SLC6A15: variants seen among roughly 807,000 people sequenced by gnomAD.
The protein encoded by SLC6A15 is sodium-dependent neutral amino acid transporter B(0)AT2.
In SLC6A15, 33 loss-of-function variants were observed where a neutral mutation model predicts 68.5. The observed-to-expected ratio is 0.48, with a 90% CI of 0.37 to 0.64. SLC6A15 has a LOEUF of 0.64. Ranked by LOEUF, SLC6A15 falls within the 30% of genes least tolerant of loss-of-function variation. SLC6A15 has a pLI of 0.00. For missense variants in SLC6A15, 747 were observed against 874.3 expected, an observed-to-expected ratio of 0.85 and a Z score of 1.84; for synonymous variants, 347 against 301.0, an observed-to-expected ratio of 1.15 and a Z score of -1.58.
Position 84,862,041 on chromosome 12 carries a change from T to C in SLC6A15, c.1819-35A>G, listed in dbSNP as rs772640480. The C allele has an allele frequency of 2.6e-6, 4 of 1,521,020 alleles. No individual in the cohort carries two copies. The African/African-American group carries it at 5.6e-5, about 21-fold the overall frequency. 94.2% of individuals were successfully genotyped at this position (1,521,020 alleles called of 1,614,324 possible). A position where few individuals can be genotyped will look rare whatever the true frequency, so the allele number is the denominator to read the frequency against. ...AAGAAAATAATAATTATTAGTAATC[T>C]ATCTTTCTTTGCACATACATAAAAT... is the stretch of plus-strand genomic sequence containing the variant. On this transcript the variant is annotated intron_variant, in intron 11 of 11. Transcript: ENST00000266682.
chr12:84,890,971 A>G (rs1872362708), intron 2 of SLC6A15, among the ~76,000 whole-genome samples: 1 of 152,188 alleles, frequency 6.6e-6, no homozygotes, highest in Non-Finnish European at 1.5e-5. Flanking sequence ...AATATTTCAT[A>G]TACATAGATA....
At chr12:84,890,850 T>C (rs1217646196) in intron 2 of SLC6A15, among the ~76,000 whole-genome samples, 4 of 152,144 alleles carry the variant, frequency 2.6e-5, no homozygotes, top group Non-Finnish European at 4.4e-5. Context: ...CAAACTAGAA[T>C]CAAATACCAA....
chr12:84,899,732 G>C (rs1016246098), intron 1 of SLC6A15, among the ~76,000 whole-genome samples: 5 of 151,864 alleles, frequency 3.3e-5, no homozygotes, highest in African/African-American at 1.2e-4. Flanking sequence ...AAATATGTTG[G>C]GAACTTTACA....
rs1451837121 is a variant in SLC6A15 at position 84,873,086 on chromosome 12, C to A, written c.1109+1G>T. On this transcript the variant is annotated splice_donor_variant, in intron 7 of 11. Transcript: ENST00000266682. LOFTEE classifies it high-confidence loss of function. Reference sequence around the variant, plus strand: ...AGGCAAATGGAAATTAATATTCATACTGTGTAATGCATTTCTCATTTATGA... The same window carrying A: ...AGGCAAATGGAAATTAATATTCATAATGTGTAATGCATTTCTCATTTATGA... The A allele has an allele frequency of 1.2e-6, 2 of 1,612,698 alleles. No homozygotes were observed. Among genetic ancestry groups the A allele is most frequent in the Non-Finnish European group, 1.7e-6 (2 of 1,179,534 alleles).
rs1277761458 is a variant in SLC6A15 at position 84,884,085 on chromosome 12, G to A, written c.575-45C>T. The A allele has an allele frequency of 2.0e-6, 3 of 1,500,012 alleles. 1 individual carries two copies. In the South Asian group the frequency reaches 3.5e-5, roughly 18 times the overall value. The allele number at this position is 1,500,012 out of a possible 1,614,324, so 92.9% of individuals were successfully genotyped here. A position where few individuals can be genotyped will look rare whatever the true frequency, so the allele number is the denominator to read the frequency against. On this transcript the variant is annotated intron_variant, in intron 4 of 11. Transcript: ENST00000266682. ...ACACAATTATTTCAGAATATAAAGAGCAATGCGACAATTTCTTTTCCAATA... is the reference window on the plus strand; with the variant it reads ...ACACAATTATTTCAGAATATAAAGAACAATGCGACAATTTCTTTTCCAATA...
At chr12:84,885,811 G>A in intron 3 of SLC6A15, 100 bp downstream of exon 3, 1 of 1,228,458 alleles carries the variant, frequency 8.1e-7, no homozygotes, top group East Asian at 2.4e-5. Flanking sequence ...TAGTAAAAGA[G>A]TTGTTTATTA....
chr12:84,885,826 A>T, intron 3 of SLC6A15, 85 bp downstream of exon 3: 1 of 1,335,492 alleles, frequency 7.5e-7, no homozygotes, highest in Non-Finnish European at 1.0e-6. Context: ...TTATTAACAC[A>T]CACTCCAAAG....
At chr12:84,893,859 G>A (rs1202309098) in intron 1 of SLC6A15, among the ~76,000 whole-genome samples, 1 of 152,122 alleles carries the variant, frequency 6.6e-6, no homozygotes, top group Non-Finnish European at 1.5e-5. Flanking sequence ...AGGATTTGGT[G>A]AAGATTAAGA....
rs1323215772 is a variant in SLC6A15 at position 84,873,126 on chromosome 12, C to G, written c.1070G>C (p.Gly357Ala). 2 of 1,613,876 alleles carry G rather than the reference C, an allele frequency of 1.2e-6. No individual in the cohort carries two copies. Among genetic ancestry groups the G allele is most frequent in the African/African-American group, 2.7e-5 (2 of 74,868 alleles). Residue 357 changes from glycine to alanine, a missense_variant, in exon 7 of 12, where the codon GGC becomes GCC. Gly to Ala is a moderately conservative substitution (Grantham distance 60, BLOSUM62 0). Coordinates refer to ENST00000266682, the MANE Select transcript of SLC6A15 (RefSeq NM_182767.6). The stretch of plus-strand genomic sequence containing the variant: ...CTCATTTATGACATTTGCTTTGAAG[C>G]CCAGAACTGCAAACACCACCAATGT... Reference protein sequence around the residue: ...LATLVVFAVLGFKANVINEKC... With the variant: ...LATLVVFAVLAFKANVINEKC...
chr12:84,911,503 G>A (rs995200953), intron 1 of SLC6A15, among the ~76,000 whole-genome samples: 3 of 152,164 alleles, frequency 2.0e-5, no homozygotes, highest in African/African-American at 7.2e-5. Flanking sequence ...AGGGAAAGCG[G>A]GACGCTGGAG....
chr12:84,880,884 T>G, intron 5 of SLC6A15: 1 of 977,328 alleles, frequency 1.0e-6, no homozygotes, highest in African/African-American at 1.7e-5. Flanking sequence ...AAACATACCT[T>G]CAGAATGTAT....
In SLC6A15 at chr12:84,860,414, T is replaced by C. The variant is rs945253198; in HGVS notation, c.*1218A>G. On this transcript the variant is annotated 3_prime_UTR_variant, in exon 12 of 12. Transcript: ENST00000266682. ...AGCAAGCAGTCAATTGTACACATGG[T>C]TTCTTGGGAGGCTGTAAGTACTTTT... 1.3e-5 allele frequency: 2 copies of C among 152,084 alleles called. No homozygotes were observed. The highest frequency in any genetic ancestry group is 4.8e-5 in the African/African-American group (2 of 41,450). The allele number at this position is 152,084 out of a possible 1,614,324, so 9.4% of individuals were successfully genotyped here. A position where few individuals can be genotyped will look rare whatever the true frequency, so the allele number is the denominator to read the frequency against.
rs1870866020 is a variant in SLC6A15 at position 84,861,869 on chromosome 12, T to C, written c.1956A>G (p.Leu652=). The C allele has an allele frequency of 6.2e-7, 1 of 1,613,844 alleles. No individual in the cohort carries two copies. The highest frequency in any genetic ancestry group is 1.3e-5 in the African/African-American group (1 of 74,888). ...TTCCTCTCTTATAGGTCACAGATGCTAAATTACCAGAACTATCATCTATAA... is the reference window on the plus strand; with the variant it reads ...TTCCTCTCTTATAGGTCACAGATGCCAAATTACCAGAACTATCATCTATAA... The part of the protein sequence containing the change: ...FNLIDDSSGN[L]ASVTYKRGRV... The change falls in exon 12 of 12, where the codon TTA becomes TTG. Residue 652 remains leucine (L), a synonymous_variant. Transcript: ENST00000266682.
intron 2 of SLC6A15, among the ~76,000 whole-genome samples, chr12:84,887,240 T>C (rs1872154046): frequency 2.0e-5 from 3 of 152,268 alleles, no homozygotes; most frequent in Non-Finnish European, 1.5e-5. Flanking sequence ...AGCCTTTTAT[T>C]ATACATTTCC....
rs935875731 is a variant in SLC6A15, at chr12:84,892,228, G to A, written c.-108C>T. The A allele has an allele frequency of 9.7e-7, 1 of 1,025,834 alleles. No individual in the cohort carries two copies. Among genetic ancestry groups the A allele is most frequent in the Non-Finnish European group, 1.4e-6 (1 of 716,650 alleles). 63.5% of individuals were successfully genotyped at this position (1,025,834 alleles called of 1,614,324 possible). A position where few individuals can be genotyped will look rare whatever the true frequency, so the allele number is the denominator to read the frequency against. On this transcript the variant is annotated 5_prime_UTR_variant, in exon 2 of 12. Coordinates refer to ENST00000266682, the MANE Select transcript of SLC6A15 (RefSeq NM_182767.6). ...TACTTGATAGGAAGTAAAGACCGAGGATGATATCAAATAAATCCTTGATTC... is the reference window on the plus strand; with the variant it reads ...TACTTGATAGGAAGTAAAGACCGAGAATGATATCAAATAAATCCTTGATTC...
intron 10 of SLC6A15, among the ~76,000 whole-genome samples, chr12:84,864,157 A>G (rs1870969405): frequency 1.3e-5 from 2 of 151,394 alleles, no homozygotes; most frequent in East Asian, 1.9e-4. Context: ...CCTTAATATC[A>G]CAGCATTAAA....
chr12:84,872,978 G>A (rs879558024), intron 7 of SLC6A15, 109 bp downstream of exon 7: 69 of 1,352,638 alleles, frequency 5.1e-5, no homozygotes, highest in Admixed American at 7.7e-5. Flanking sequence ...TGTTTGTGTC[G>A]AACTATCACA....
chr12:84,898,473 A>G lies in SLC6A15; in HGVS notation c.-188-6165T>C, dbSNP rs188484005. On this transcript the variant is annotated intron_variant, in intron 1 of 11. Transcript: ENST00000266682. ...ATAAGAATCAATACGTTTTGATGTG[A>G]AAAGACATGTATTGGTCCCAAATAT... 2.1e-3 allele frequency among the ~76,000 whole-genome samples: 318 copies of G among 152,358 alleles called. 1 individual carries two copies. Among genetic ancestry groups the G allele is most frequent in the Non-Finnish European group, 7.8e-4 (53 of 68,034 alleles).
intron 2 of SLC6A15, among the ~76,000 whole-genome samples, chr12:84,887,660 A>C (rs1872177773): frequency 6.6e-6 from 1 of 152,200 alleles, no homozygotes; most frequent in Non-Finnish European, 1.5e-5. Context: ...TAACATCTGC[A>C]TCAAATCTTA....
Sources: allele counts gnomAD v4.1 joint callset (sites outside exome capture counted in the v4.1 genomes callset), GRCh38; gene constraint gnomAD v4.1.1; transcripts MANE v1.5; gene names NCBI Gene and HGNC (gene_info 2026-07-23, HGNC 2026-07-21).